The following GPR52 variants were observed in gnomAD, a reference collection of about 807,000 sequenced individuals.
GPR52 encodes the protein G protein-coupled receptor 52, also known as probable G-protein coupled receptor 52.
In GPR52, 8 loss-of-function variants were observed where a neutral mutation model predicts 24.0. The ratio of observed to expected loss-of-function variants is 0.33; its 90% CI spans 0.20 to 0.60. The LOEUF is 0.60. Among genes scored for constraint, GPR52 ranks in the 20% least tolerant of loss-of-function variants. The pLI is 0.82. For missense variants in GPR52, 412 were observed against 447.7 expected (o/e 0.92, Z 0.72); for synonymous variants, 144 against 158.1 (o/e 0.91, Z 0.67).
At position 174,448,579 on chromosome 1, in the gene GPR52, T is replaced by G; in HGVS notation, c.468T>G (p.Cys156Trp). 1 of 1,614,098 alleles carries G rather than the reference T, an allele frequency of 6.2e-7. No homozygotes were observed. The highest frequency in any genetic ancestry group is 8.5e-7 in the Non-Finnish European group (1 of 1,179,934). ...PLSYNQLVTP[C>W]RLRICIILIW... is the part of the protein sequence containing the mutation. The stretch of plus-strand genomic sequence containing the variant: ...CCTACAATCAACTGGTCACCCCTTG[T>G]CGCTTGAGAATTTGCATTATTTTGA... Residue 156 changes from cysteine to tryptophan, a missense_variant, in exon 1 of 1, where the codon TGT becomes TGG. Physicochemically the swap from Cys to Trp is radical, Grantham distance 215 (BLOSUM62 -2). Transcript: ENST00000367685. This position sits in a 1 kb window ranked among gnomAD's most constrained non-coding sequence, Gnocchi z 4.2.
Position 174,448,354 on chromosome 1 carries a change from G to C in GPR52, c.243G>C (p.Gln81His), listed in dbSNP as rs1302824036. The C allele has an allele frequency of 6.2e-7, 1 of 1,613,848 alleles. No individual in the cohort carries two copies. The highest frequency in any genetic ancestry group is 8.5e-7 in the Non-Finnish European group (1 of 1,179,862). Residue 81 changes from glutamine (Q) to histidine (H), a missense_variant, in exon 1 of 1, where the codon CAG (glutamine) becomes CAC (histidine). Gln to His is a conservative substitution (Grantham distance 24, BLOSUM62 0). Transcript: ENST00000367685. The surrounding 1 kb of genome is among the most constrained non-coding windows in gnomAD (Gnocchi z 4.2). The stretch of plus-strand genomic sequence containing the variant: ...ATTATACTACCAGCTATTTCATTCA[G>C]ACGATGGCATATGCTGATCTTTTCG... Reference protein sequence around the residue: ...LHHYTTSYFIQTMAYADLFVG... With the variant: ...LHHYTTSYFIHTMAYADLFVG...
Position 174,448,381 on chromosome 1 carries a change from T to G in GPR52, c.270T>G (p.Val90=). The change falls in exon 1 of 1, where the codon GTT becomes GTG. Residue 90 remains valine, a synonymous_variant. Coordinates refer to ENST00000367685, the MANE Select transcript of GPR52 (RefSeq NM_005684.5). The surrounding 1 kb of genome is among the most constrained non-coding windows in gnomAD (Gnocchi z 4.2). ...IQTMAYADLF[V]GVSCLVPTLS... ...CGATGGCATATGCTGATCTTTTCGT[T>G]GGAGTTAGCTGCTTGGTTCCTACTC... The G allele has an allele frequency of 6.2e-7, 1 of 1,613,852 alleles. No individual in the cohort carries two copies. Among genetic ancestry groups the G allele is most frequent in the Non-Finnish European group, 8.5e-7 (1 of 1,179,696 alleles).
In GPR52 at chr1:174,449,117, T is replaced by A; in HGVS notation, c.1006T>A (p.Cys336Ser). The A allele has an allele frequency of 6.2e-7, 1 of 1,613,858 alleles. No homozygotes were observed. The highest frequency in any genetic ancestry group is 8.5e-7 in the Non-Finnish European group (1 of 1,179,724). The change falls in exon 1 of 1, where the codon TGC becomes AGC. Residue 336 changes from cysteine (C) to serine (S), a missense_variant. Coordinates refer to ENST00000367685, the MANE Select transcript of GPR52 (RefSeq NM_005684.5). ...LGLRRLSETM[C>S]TSCMCVKDQE... is the part of the protein sequence containing the mutation. ...CCTCCGAAGACTGTCTGAGACAATG[T>A]GCACATCCTGTATGTGTGTGAAGGA...
In GPR52 at chr1:174,448,430, G is replaced by A. The variant is rs755072219; in HGVS notation, c.319G>A (p.Gly107Ser). The part of the protein sequence containing the change: ...PTLSLLHYST[G>S]VHESLTCQVF... ...TCTGTCACTTCTCCACTACTCCACA[G>A]GTGTCCACGAGTCATTGACTTGCCA... is the stretch of plus-strand genomic sequence containing the variant. The change falls in exon 1 of 1, where the codon GGT becomes AGT. Residue 107 changes from glycine (G) to serine (S), a missense_variant. Physicochemically the swap from Gly to Ser is moderately conservative, Grantham distance 56. Coordinates refer to ENST00000367685, the MANE Select transcript of GPR52 (RefSeq NM_005684.5). This position sits in a 1 kb window ranked among gnomAD's most constrained non-coding sequence, Gnocchi z 4.2. 2 of 1,613,188 alleles carry A rather than the reference G, an allele frequency of 1.2e-6. No individual in the cohort carries two copies. The highest frequency in any genetic ancestry group is 1.7e-5 in the Admixed American group (1 of 60,012).
At position 174,448,297 on chromosome 1, in the gene GPR52, C is replaced by G. The variant is rs757050983; in HGVS notation, c.186C>G (p.Ile62Met). The G allele has an allele frequency of 2.5e-6, 4 of 1,612,978 alleles. No homozygotes were observed. The highest frequency in any genetic ancestry group is 3.4e-6 in the Non-Finnish European group (4 of 1,179,112). Residue 62 changes from isoleucine to methionine, a missense_variant, in exon 1 of 1, where the codon ATC becomes ATG. Coordinates refer to ENST00000367685, the MANE Select transcript of GPR52 (RefSeq NM_005684.5). The surrounding 1 kb of genome is among the most constrained non-coding windows in gnomAD (Gnocchi z 4.2). ...FLIIAGNLTVIFVFHCAPLLH... is the reference protein window; with the variant it reads ...FLIIAGNLTVMFVFHCAPLLH... ...TCATTGCTGGGAATCTAACAGTTAT[C>G]TTTGTCTTTCATTGTGCTCCACTGT...
Position 174,448,572 on chromosome 1 carries a change from C to T in GPR52, c.461C>T (p.Thr154Ile). The T allele has an allele frequency of 1.2e-6, 2 of 1,613,788 alleles. No individual in the cohort carries two copies. Among genetic ancestry groups the T allele is most frequent in the African/African-American group, 2.7e-5 (2 of 75,014 alleles). ...TKPLSYNQLV[T>I]PCRLRICIIL... ...CCTCTTTCCTACAATCAACTGGTCA[C>T]CCCTTGTCGCTTGAGAATTTGCATT... is the stretch of plus-strand genomic sequence containing the variant. The change falls in exon 1 of 1, where the codon ACC becomes ATC. Residue 154 changes from threonine to isoleucine, a missense_variant. By Grantham distance (89) the Thr-to-Ile change is moderately conservative. Transcript: ENST00000367685. The surrounding 1 kb of genome is among the most constrained non-coding windows in gnomAD (Gnocchi z 4.2).
At position 174,449,540 on chromosome 1, in the gene GPR52, G is replaced by A. The variant is rs1655194724; in HGVS notation, c.*343G>A. On this transcript the variant is annotated 3_prime_UTR_variant, in exon 1 of 1. Coordinates refer to ENST00000367685, the MANE Select transcript of GPR52 (RefSeq NM_005684.5). Reference sequence around the variant, plus strand: ...CTGTCTTTCTGTCTGACTGTACCCTGCCTCTGTCTTTCTCATTTTGTCTAT... The same window carrying A: ...CTGTCTTTCTGTCTGACTGTACCCTACCTCTGTCTTTCTCATTTTGTCTAT... Among the ~76,000 whole-genome samples, 1 of 152,234 alleles carries A rather than the reference G, an allele frequency of 6.6e-6. No individual in the cohort carries two copies. The highest frequency in any genetic ancestry group is 2.1e-4 in the South Asian group (1 of 4,828).
At position 174,448,147 on chromosome 1, in the gene GPR52, G is replaced by A. The variant is rs1655004970; in HGVS notation, c.36G>A (p.Leu12=). ...NESRWTEWRI[L]NMSSGIVNVS... ...CCAGGTGGACTGAATGGAGGATCCT[G>A]AACATGAGCAGTGGCATTGTGAATG... is the stretch of plus-strand genomic sequence containing the variant. The change falls in exon 1 of 1, where the codon CTG becomes CTA. Residue 12 remains leucine, a synonymous_variant. Coordinates refer to ENST00000367685, the MANE Select transcript of GPR52 (RefSeq NM_005684.5). The surrounding 1 kb of genome is among the most constrained non-coding windows in gnomAD (Gnocchi z 4.2). The A allele has an allele frequency of 6.2e-7, 1 of 1,613,166 alleles. No homozygotes were observed. Among genetic ancestry groups the A allele is most frequent in the Non-Finnish European group, 8.5e-7 (1 of 1,179,386 alleles).
rs1259587957 is a variant in GPR52, at chr1:174,448,583, T to C, written c.472T>C (p.Leu158=). 6.2e-7 allele frequency: 1 copy of C among 1,613,998 alleles called. No homozygotes were observed. The highest frequency in any genetic ancestry group is 8.5e-7 in the Non-Finnish European group (1 of 1,179,878). The part of the protein sequence containing the change: ...SYNQLVTPCR[L]RICIILIWIY... The stretch of plus-strand genomic sequence containing the variant: ...CAATCAACTGGTCACCCCTTGTCGC[T>C]TGAGAATTTGCATTATTTTGATCTG... Residue 158 remains leucine, a synonymous_variant, in exon 1 of 1, where the codon TTG becomes CTG. Coordinates refer to ENST00000367685, the MANE Select transcript of GPR52 (RefSeq NM_005684.5). This position sits in a 1 kb window ranked among gnomAD's most constrained non-coding sequence, Gnocchi z 4.2.
chr1:174,448,649 T>TG lies in GPR52; in HGVS notation c.543dup (p.Lys182GlufsTer7), dbSNP rs1558243622. 1 of 1,613,876 alleles carries TG rather than the reference T, an allele frequency of 6.2e-7. No homozygotes were observed. Among genetic ancestry groups the TG allele is most frequent in the Non-Finnish European group, 8.5e-7 (1 of 1,179,796 alleles). ...AATTTTCTTGCCTTCCTTTTTTGGC[T>TG]GGGGGAAACCTGGTTACCATGGTGA... On this transcript the variant is annotated frameshift_variant, in exon 1 of 1. Transcript: ENST00000367685. LOFTEE classifies it high-confidence loss of function. This position sits in a 1 kb window ranked among gnomAD's most constrained non-coding sequence, Gnocchi z 4.2.
Position 174,449,302 on chromosome 1 carries a change from A to T in GPR52, c.*105A>T. 1.0e-6 allele frequency: 1 copy of T among 980,846 alleles called. No homozygotes were observed. Among genetic ancestry groups the T allele is most frequent in the Non-Finnish European group, 1.5e-6 (1 of 655,102 alleles). 60.8% of individuals were successfully genotyped at this position (980,846 alleles called of 1,614,324 possible). A position where few individuals can be genotyped will look rare whatever the true frequency, so the allele number is the denominator to read the frequency against. On this transcript the variant is annotated 3_prime_UTR_variant, in exon 1 of 1. Transcript: ENST00000367685. ...AGAGAAATATTTACTTGAATAGTTG[A>T]CTGTAAAATGAAGTATGAGACTAAA...
rs762493241 is a variant in GPR52, at chr1:174,448,379, G to C, written c.268G>C (p.Val90Leu). 14 of 1,613,590 alleles carry C rather than the reference G, an allele frequency of 8.7e-6. No homozygotes were observed. Among genetic ancestry groups the C allele is most frequent in the Non-Finnish European group, 1.1e-5 (13 of 1,179,706 alleles). ...IQTMAYADLF[V>L]GVSCLVPTLS... Reference sequence around the variant, plus strand: ...GACGATGGCATATGCTGATCTTTTCGTTGGAGTTAGCTGCTTGGTTCCTAC... The same window carrying C: ...GACGATGGCATATGCTGATCTTTTCCTTGGAGTTAGCTGCTTGGTTCCTAC... Residue 90 changes from valine to leucine, a missense_variant, in exon 1 of 1, where the codon GTT becomes CTT. Coordinates refer to ENST00000367685, the MANE Select transcript of GPR52 (RefSeq NM_005684.5). The surrounding 1 kb of genome is among the most constrained non-coding windows in gnomAD (Gnocchi z 4.2).
Position 174,449,339 on chromosome 1 carries a change from T to C in GPR52, c.*142T>C. On this transcript the variant is annotated 3_prime_UTR_variant, in exon 1 of 1. Coordinates refer to ENST00000367685, the MANE Select transcript of GPR52 (RefSeq NM_005684.5). ...AGTATGAGACTAAAGGTTTCTCTCT[T>C]TTTTTTTCTTTTTCATGGAAGAAAC... The C allele has an allele frequency of 1.3e-5, 9 of 696,104 alleles. No homozygotes were observed. The South Asian group carries it at 1.5e-4, about 12-fold the overall frequency. 43.1% of individuals were successfully genotyped at this position (696,104 alleles called of 1,614,324 possible). A position where few individuals can be genotyped will look rare whatever the true frequency, so the allele number is the denominator to read the frequency against.
rs561756686 is a variant in GPR52, at chr1:174,448,901, G to A, written c.790G>A (p.Ala264Thr). 1.5e-5 allele frequency: 24 copies of A among 1,613,610 alleles called. No individual in the cohort carries two copies. The highest frequency in any genetic ancestry group is 2.2e-5 in the East Asian group (1 of 44,884). ...TGGACACAGCCCTGACCGTCGCTAC[G>A]CCATGGTTTTGTTTAGGATAACCAG... The part of the protein sequence containing the change: ...ETGHSPDRRY[A>T]MVLFRITSVF... Residue 264 changes from alanine (A) to threonine (T), a missense_variant, in exon 1 of 1, where the codon GCC (alanine) becomes ACC (threonine). Physicochemically the swap from Ala to Thr is moderately conservative, Grantham distance 58. Transcript: ENST00000367685. This position sits in a 1 kb window ranked among gnomAD's most constrained non-coding sequence, Gnocchi z 4.2.
At position 174,449,159 on chromosome 1, in the gene GPR52, C is replaced by A; in HGVS notation, c.1048C>A (p.Pro350Thr). The A allele has an allele frequency of 6.2e-7, 1 of 1,608,400 alleles. No individual in the cohort carries two copies. Among genetic ancestry groups the A allele is most frequent in the Non-Finnish European group, 8.5e-7 (1 of 1,178,062 alleles). ...MCVKDQEAQE[P>T]KPRKRANSCS... ...TGTGAAGGATCAGGAAGCACAAGAACCCAAACCTAGGAAACGGGCTAATTC... is the reference window on the plus strand; with the variant it reads ...TGTGAAGGATCAGGAAGCACAAGAAACCAAACCTAGGAAACGGGCTAATTC... Residue 350 changes from proline to threonine, a missense_variant, in exon 1 of 1, where the codon CCC becomes ACC. Physicochemically the swap from Pro to Thr is conservative, Grantham distance 38. Coordinates refer to ENST00000367685, the MANE Select transcript of GPR52 (RefSeq NM_005684.5).
chr1:174,448,508 G>A lies in GPR52; in HGVS notation c.397G>A (p.Ala133Thr), dbSNP rs1655048063. ...AAAAAGTGTTTCTATGGCATGTCTT[G>A]CTTGCATCAGTGTGGATCGTTATCT... Reference protein sequence around the residue: ...VLKSVSMACLACISVDRYLAI... With the variant: ...VLKSVSMACLTCISVDRYLAI... The change falls in exon 1 of 1, where the codon GCT becomes ACT. Residue 133 changes from alanine to threonine, a missense_variant. Transcript: ENST00000367685. This position sits in a 1 kb window ranked among gnomAD's most constrained non-coding sequence, Gnocchi z 4.2. The A allele has an allele frequency of 6.2e-7, 1 of 1,613,280 alleles. No individual in the cohort carries two copies. The highest frequency in any genetic ancestry group is 1.3e-5 in the African/African-American group (1 of 74,884).
rs1484684930 is a variant in GPR52 at position 174,448,773 on chromosome 1, T to A, written c.662T>A (p.Phe221Tyr). 6.2e-7 allele frequency: 1 copy of A among 1,613,924 alleles called. No individual in the cohort carries two copies. The highest frequency in any genetic ancestry group is 8.5e-7 in the Non-Finnish European group (1 of 1,179,818). Residue 221 changes from phenylalanine to tyrosine, a missense_variant, in exon 1 of 1, where the codon TTC becomes TAC. Physicochemically the swap from Phe to Tyr is conservative, Grantham distance 22. Transcript: ENST00000367685. The surrounding 1 kb of genome is among the most constrained non-coding windows in gnomAD (Gnocchi z 4.2). ...GCTCCTGCTGCCTTTGTTGTCTGCT[T>A]CACTTACTTCCACATTTTCAAAATT... Reference protein sequence around the residue: ...LYAPAAFVVCFTYFHIFKICR... With the variant: ...LYAPAAFVVCYTYFHIFKICR...
rs1213938594 is a variant in GPR52 at position 174,449,207 on chromosome 1, C to T, written c.*10C>T. 1.3e-6 allele frequency: 2 copies of T among 1,545,852 alleles called. No individual in the cohort carries two copies. The highest frequency in any genetic ancestry group is 2.8e-5 in the African/African-American group (2 of 72,262). ...TTCTTGCTCCATTTGAAGAGAGCTA[C>T]ATAGTAAATCAAATGTAATCTGACA... On this transcript the variant is annotated 3_prime_UTR_variant, in exon 1 of 1. Coordinates refer to ENST00000367685, the MANE Select transcript of GPR52 (RefSeq NM_005684.5).
Position 174,448,265 on chromosome 1 carries a change from T to C in GPR52, c.154T>C (p.Phe52Leu), listed in dbSNP as rs763979843. The change falls in exon 1 of 1, where the codon TTT (phenylalanine) becomes CTT (leucine). Residue 52 changes from phenylalanine to leucine, a missense_variant. Transcript: ENST00000367685. The surrounding 1 kb of genome is among the most constrained non-coding windows in gnomAD (Gnocchi z 4.2). ...FETVVIVLLT[F>L]LIIAGNLTVI... ...GACAGTGGTTATTGTGTTGCTGACA[T>C]TTCTGATCATTGCTGGGAATCTAAC... 3.7e-6 allele frequency: 6 copies of C among 1,614,012 alleles called. No homozygotes were observed. In the East Asian group the frequency reaches 1.3e-4, roughly 36 times the overall value.
Sources: gnomAD v4.1 joint callset for allele counts (sites outside exome capture counted in the v4.1 genomes callset) on GRCh38, gnomAD v4.1.1 for gene constraint, Gnocchi (gnomAD v3.1) non-coding constraint, MANE v1.5 for transcripts, NCBI Gene and HGNC (gene_info 2026-07-23, HGNC 2026-07-21) for gene names.